Variants in BRSK2 observed in about 807,000 individuals in gnomAD.
The protein encoded by BRSK2 is serine/threonine-protein kinase BRSK2.
BRSK2 carries 19 observed loss-of-function variants against 83.3 expected under a neutral mutation model. The ratio of observed to expected loss-of-function variants is 0.23; its 90% CI spans 0.16 to 0.33. The LOEUF (loss-of-function observed/expected upper bound fraction) is 0.33. Among genes scored for constraint, BRSK2 ranks in the 10% least tolerant of loss-of-function variants. The pLI is 1.00. For synonymous variants in BRSK2, 519 were observed against 435.4 expected (o/e 1.19, Z -2.39); for missense variants, 798 against 1,042.3 (o/e 0.77, Z 3.23).
chr11:1,447,343 C>T, intron 12 of BRSK2, among the ~76,000 whole-genome samples: 1 of 152,210 alleles, frequency 6.6e-6, no homozygotes, highest in East Asian at 1.9e-4. Context: ...CACTGCCTGG[C>T]CCCTCCGGTC....
intron 6 of BRSK2, 84 bp from the exon 7 acceptor site, chr11:1,443,251 G>T: frequency 6.6e-7 from 1 of 1,523,960 alleles, no homozygotes; most frequent in Non-Finnish European, 8.8e-7. Flanking sequence ...GCCTGTCCCC[G>T]GGCCGACTCC....
intron 18 of BRSK2, chr11:1,456,937 G>C: frequency 6.3e-7 from 1 of 1,596,218 alleles, no homozygotes; most frequent in South Asian, 1.1e-5. Context: ...ACTGAAAGGC[G>C]CCTCTTGTCC....
At chr11:1,449,431 C>T (rs776444786) in intron 12 of BRSK2, among the ~76,000 whole-genome samples, 16 of 152,226 alleles carry the variant, frequency 1.1e-4, no homozygotes, top group Admixed American at 3.9e-4. Flanking sequence ...GCAGAAGGGG[C>T]TGCATACAGG....
intron 1 of BRSK2, among the ~76,000 whole-genome samples, chr11:1,427,866 C>T (rs1180238034): frequency 6.6e-6 from 1 of 152,214 alleles, no homozygotes; most frequent in Admixed American, 6.5e-5. Context: ...AGCACACTCC[C>T]CACTCCCTGC....
At position 1,449,772 on chromosome 11, in the gene BRSK2, C is replaced by G; in HGVS notation, c.1227-4C>G. 1.9e-6 allele frequency: 3 copies of G among 1,611,986 alleles called. No individual in the cohort carries two copies. Among genetic ancestry groups the G allele is most frequent in the Non-Finnish European group, 1.7e-6 (2 of 1,179,408 alleles). ...GCAGTGGCCCTGTACCTTGTGACCT[C>G]CAGGTCTCGGTCCATCAGCGGTGCC... On this transcript the variant is annotated splice_region_variant and splice_polypyrimidine_tract_variant and intron_variant, in intron 12 of 19. Coordinates refer to ENST00000528841, the MANE Select transcript of BRSK2 (RefSeq NM_001256627.2).
intron 1 of BRSK2, among the ~76,000 whole-genome samples, chr11:1,433,902 C>T (rs370796889): frequency 2.3e-4 from 35 of 152,224 alleles, no homozygotes; most frequent in African/African-American, 7.2e-4. Flanking sequence ...TGGGGAAGCC[C>T]GCTTCTTCGG....
In BRSK2 at chr11:1,390,855, C is replaced by G. The variant is rs995407781; in HGVS notation, c.91+480C>G. On this transcript the variant is annotated intron_variant, in intron 1 of 19. Coordinates refer to ENST00000528841, the MANE Select transcript of BRSK2 (RefSeq NM_001256627.2). The surrounding 1 kb of genome is among the most constrained non-coding windows in gnomAD (Gnocchi z 6.8). ...GGCCACCGGGGCCTCCGGGCAGGCC[C>G]GATCTCCCTCCGCGGTGGGGGCGGG... 6.6e-6 allele frequency among the ~76,000 whole-genome samples: 1 copy of G among 152,182 alleles called. No individual in the cohort carries two copies. The highest frequency in any genetic ancestry group is 1.5e-5 in the Non-Finnish European group (1 of 68,008).
chr11:1,411,444 C>T (rs776573676), intron 1 of BRSK2: 60 of 1,469,294 alleles, frequency 4.1e-5, no homozygotes, highest in South Asian at 3.3e-4. Flanking sequence ...GGCACGTCCC[C>T]GCCGGCCCTG....
At chr11:1,456,771 A>G in intron 18 of BRSK2, 84 bp downstream of exon 18, 1 of 1,424,556 alleles carries the variant, frequency 7.0e-7, no homozygotes, top group Non-Finnish European at 9.5e-7. Context: ...AGGCGTGAGG[A>G]CCCGGGCGCA....
intron 19 of BRSK2, among the ~76,000 whole-genome samples, chr11:1,459,721 T>C (rs1051156076): frequency 2.2e-4 from 33 of 152,050 alleles, no homozygotes; most frequent in Non-Finnish European, 2.8e-4. Flanking sequence ...CCAAGAAGGG[T>C]GGGCTCCCCA....
chr11:1,453,956 T>C (rs1395167629), intron 15 of BRSK2: 1 of 153,302 alleles, frequency 6.5e-6, no homozygotes, highest in African/African-American at 2.4e-5. Context: ...GGGGTTCGGG[T>C]GCTCTTGAGC....
At position 1,454,085 on chromosome 11, in the gene BRSK2, T is replaced by G. The variant is rs532980650; in HGVS notation, c.1545-400T>G. On this transcript the variant is annotated intron_variant, in intron 15 of 19. Coordinates refer to ENST00000528841, the MANE Select transcript of BRSK2 (RefSeq NM_001256627.2). The surrounding 1 kb of genome is among the most constrained non-coding windows in gnomAD (Gnocchi z 5.2). ...TTGGAAGCGAGTTGCAGGCCCCGCC[T>G]GCTCCTGGGGGTGGGGGGCACAGCT... The G allele has an allele frequency of 1.8e-3, 295 of 167,096 alleles. No individual in the cohort carries two copies. Among genetic ancestry groups the G allele is most frequent in the Non-Finnish European group, 2.1e-3 (161 of 77,544 alleles). The allele number at this position is 167,096 out of a possible 1,614,324, so 10.4% of individuals were successfully genotyped here.
intron 18 of BRSK2, among the ~76,000 whole-genome samples, chr11:1,458,048 G>A (rs1846860986): frequency 6.6e-6 from 1 of 152,182 alleles, no homozygotes; most frequent in South Asian, 2.1e-4. Context: ...AGCCTTGAAA[G>A]CCTTCATCTT....
At chr11:1,417,566 G>A (rs1271346888) in intron 1 of BRSK2, among the ~76,000 whole-genome samples, 2 of 144,730 alleles carry the variant, frequency 1.4e-5, no homozygotes, top group East Asian at 2.0e-4. Flanking sequence ...TCTCTTGAGA[G>A]TGGGTCACAC....
chr11:1,447,985 G>A (rs1852384715), intron 12 of BRSK2: 2 of 1,011,874 alleles, frequency 2.0e-6, no homozygotes, highest in Non-Finnish European at 2.9e-6. Context: ...CTGCTGCGGT[G>A]AAGCCAGCCA....
At position 1,423,841 on chromosome 11, in the gene BRSK2, A is replaced by G. The variant is rs28754422; in HGVS notation, c.92-12199A>G. On this transcript the variant is annotated intron_variant, in intron 1 of 19. Coordinates refer to ENST00000528841, the MANE Select transcript of BRSK2 (RefSeq NM_001256627.2). This position sits in a 1 kb window ranked among gnomAD's most constrained non-coding sequence, Gnocchi z 6.5. ...CGGGTGCCCCAGGCCTCCCCCGCTGAGTGTTCCCGGTGCCCCTGGGCCTGC... is the reference window on the plus strand; with the variant it reads ...CGGGTGCCCCAGGCCTCCCCCGCTGGGTGTTCCCGGTGCCCCTGGGCCTGC... Among the ~76,000 whole-genome samples the G allele has an allele frequency of 6.1e-4, 80 of 130,580 alleles. No homozygotes were observed. Among genetic ancestry groups the G allele is most frequent in the East Asian group, 3.4e-3 (16 of 4,688 alleles). 85.7% of individuals were successfully genotyped at this position (130,580 alleles called of 152,430 possible). A position where few individuals can be genotyped will look rare whatever the true frequency, so the allele number is the denominator to read the frequency against.
intron 1 of BRSK2, among the ~76,000 whole-genome samples, chr11:1,435,226 G>T (rs114510508): frequency 0.013 from 1,825 of 135,254 alleles, 29 homozygotes; most frequent in African/African-American, 0.047. Context: ...TGCCGGTGGG[G>T]GTCTCAGCGG....
intron 19 of BRSK2, 60 bp from the exon 20 acceptor site, chr11:1,460,440 C>A: frequency 1.8e-6 from 2 of 1,117,822 alleles, no homozygotes; most frequent in Non-Finnish European, 2.3e-6. Flanking sequence ...CTCTTTCTCT[C>A]CCCCTTTTTT....
chr11:1,450,770 C>T lies in BRSK2; in HGVS notation c.1471C>T (p.Arg491Cys), dbSNP rs1331283922. 3 of 1,595,130 alleles carry T rather than the reference C, an allele frequency of 1.9e-6. No individual in the cohort carries two copies. Residue 491 changes from arginine to cysteine, a missense_variant, in exon 14 of 20, where the codon CGC becomes TGC. Physicochemically the swap from Arg to Cys is radical, Grantham distance 180 (BLOSUM62 -3). Around this residue, in one of 6 missense-constraint regions of BRSK2, gnomAD observed 455 missense variants for 455.2 expected, o/e 1.00. Coordinates refer to ENST00000528841, the MANE Select transcript of BRSK2 (RefSeq NM_001256627.2). The stretch of plus-strand genomic sequence containing the variant: ...CAAGAACAGCTTTCTGGGCTCACCC[C>T]GCTTCCACCGCCGGAAACTGCAAGG... ...SIKNSFLGSP[R>C]FHRRKLQVPT...
Sources: gnomAD v4.1 joint callset for allele counts (sites outside exome capture counted in the v4.1 genomes callset) on GRCh38, gnomAD v4.1.1 for gene constraint, gnomAD v4.1.1 regional missense constraint, Gnocchi (gnomAD v3.1) non-coding constraint, MANE v1.5 for transcripts, NCBI Gene and HGNC (gene_info 2026-07-23, HGNC 2026-07-21) for gene names.